PRDM15: variants seen among roughly 807,000 people sequenced by gnomAD.
PRDM15 encodes PR/SET domain 15, also known as PR domain zinc finger protein 15.
PRDM15 carries 64 observed loss-of-function variants against 128.6 expected under a neutral mutation model. That is an observed-to-expected ratio of 0.50 (90% confidence interval 0.41 to 0.61). The LOEUF is 0.61. Ranked by LOEUF, PRDM15 falls within the 20% of genes least tolerant of loss-of-function variation. The pLI is 0.00. For synonymous variants in PRDM15, 615 were observed against 621.8 expected, an observed-to-expected ratio of 0.99 and a Z score of 0.16; for missense variants, 1,242 against 1,569.1, an observed-to-expected ratio of 0.79 and a Z score of 3.52.
chr21:41,878,880 G>A (rs2064527840), intron 1 of PRDM15: 2 of 958,550 alleles, frequency 2.1e-6, no homozygotes, highest in South Asian at 4.7e-5. Flanking sequence ...GCCCACGGGC[G>A]AGCGCGGCCC....
In PRDM15 at chr21:41,828,080, G is replaced by A. The variant is rs1168706647; in HGVS notation, c.1534+86C>T. 1 of 1,431,626 alleles carries A rather than the reference G, an allele frequency of 7.0e-7. No homozygotes were observed. The highest frequency in any genetic ancestry group is 2.3e-5 in the East Asian group (1 of 43,768). The allele number at this position is 1,431,626 out of a possible 1,614,324, so 88.7% of individuals were successfully genotyped here. A position where few individuals can be genotyped will look rare whatever the true frequency, so the allele number is the denominator to read the frequency against. On this transcript the variant is annotated intron_variant, in intron 12 of 23. Transcript: ENST00000398548. The surrounding 1 kb of genome is among the most constrained non-coding windows in gnomAD (Gnocchi z 5.7). ...AGGCGGCACCGAACTGCTCCCCAAA[G>A]GCCCTGCTGACTGCTCCATGCCGCC...
At chr21:41,865,521 C>T (rs1405104901) in intron 1 of PRDM15, among the ~76,000 whole-genome samples, 1 of 152,170 alleles carries the variant, frequency 6.6e-6, no homozygotes, top group Non-Finnish European at 1.5e-5. Flanking sequence ...ACACCCCAGG[C>T]TGTGGACGCG....
Position 41,801,018 on chromosome 21 carries a change from G to T in PRDM15, c.*222C>A, listed in dbSNP as rs1161962380. The T allele has an allele frequency of 3.7e-6, 2 of 540,786 alleles. No homozygotes were observed. Among genetic ancestry groups the T allele is most frequent in the African/African-American group, 3.8e-5 (2 of 52,344 alleles). The allele number at this position is 540,786 out of a possible 1,614,324, so 33.5% of individuals were successfully genotyped here. A position where few individuals can be genotyped will look rare whatever the true frequency, so the allele number is the denominator to read the frequency against. On this transcript the variant is annotated 3_prime_UTR_variant, in exon 24 of 24. Coordinates refer to ENST00000398548, the MANE Select transcript of PRDM15 (RefSeq NM_001040424.3). ...CTGCCTTGGTAAGGCATGGTGTGGA[G>T]CCCCATCCAGTTTAAAACTCTGGCC... is the stretch of plus-strand genomic sequence containing the variant.
At chr21:41,830,055 C>A (rs1027321475) in intron 11 of PRDM15, among the ~76,000 whole-genome samples, 1,848 of 150,828 alleles carry the variant, frequency 0.012, 46 homozygotes, top group African/African-American at 0.042. Flanking sequence ...CAACGTACAC[C>A]CACACATTCA....
Position 41,821,793 on chromosome 21 carries a change from A to C in PRDM15, c.1896+110T>G, listed in dbSNP as rs541170584. ...CACTGGCCGGAGCCTTTGGGGAGGG[A>C]GGGCTGCTTCCGAGATGCATGAAGG... On this transcript the variant is annotated intron_variant, in intron 15 of 23. Coordinates refer to ENST00000398548, the MANE Select transcript of PRDM15 (RefSeq NM_001040424.3). The surrounding 1 kb of genome is among the most constrained non-coding windows in gnomAD (Gnocchi z 5.4). 2.3e-5 allele frequency: 31 copies of C among 1,350,612 alleles called. No homozygotes were observed. In the East Asian group the frequency reaches 6.2e-4, roughly 27 times the overall value. The allele number at this position is 1,350,612 out of a possible 1,614,324, so 83.7% of individuals were successfully genotyped here.
Position 41,819,692 on chromosome 21 carries a change from C to A in PRDM15, c.2150G>T (p.Ser717Ile). The change falls in exon 18 of 24, where the codon AGC (serine) becomes ATC (isoleucine). Residue 717 changes from serine to isoleucine, a missense_variant. Physicochemically the swap from Ser to Ile is moderately radical, Grantham distance 142 (BLOSUM62 -2). This residue lies in a region of PRDM15 where 602 missense variants were observed against 788.3 expected (regional missense o/e 0.76). Transcript: ENST00000398548. ...RHKLIHTGVK[S>I]HACEQCGKSF... ...CTTCCCACACTGCTCGCAGGCGTGG[C>A]TCTTCACACCTGAGAACACAGGCAT... 6.2e-7 allele frequency: 1 copy of A among 1,601,174 alleles called. No individual in the cohort carries two copies. Among genetic ancestry groups the A allele is most frequent in the African/African-American group, 1.3e-5 (1 of 74,874 alleles).
intron 22 of PRDM15, among the ~76,000 whole-genome samples, chr21:41,804,156 G>A (rs1408505526): frequency 6.6e-6 from 1 of 152,088 alleles, no homozygotes; most frequent in Non-Finnish European, 1.5e-5. Context: ...TAGAGACAGG[G>A]TTTTGCCACG....
chr21:41,822,185 G>T, intron 14 of PRDM15, 148 bp from the exon 15 acceptor site: 1 of 1,107,592 alleles, frequency 9.0e-7, no homozygotes, highest in Non-Finnish European at 1.3e-6. Flanking sequence ...CTACACTTGT[G>T]CCCTAGCCCA....
chr21:41,861,623 G>A, intron 1 of PRDM15: 2 of 1,614,030 alleles, frequency 1.2e-6, no homozygotes, highest in Non-Finnish European at 1.7e-6. Flanking sequence ...TTAGGAAAGT[G>A]TGCATGCTGG....
intron 5 of PRDM15, 144 bp from the exon 6 acceptor site, chr21:41,847,335 CAT>C: frequency 1.7e-6 from 1 of 591,402 alleles, no homozygotes. Flanking sequence ...GGTCACTCCA[CAT>C]GACAGACACC....
intron 19 of PRDM15, chr21:41,814,198 T>C (rs1366056694): frequency 6.7e-4 from 52 of 77,626 alleles, no homozygotes; most frequent in African/African-American, 2.3e-3. Context: ...CGCAGGGTGC[T>C]CTAGTGTTTT....
At chr21:41,857,123 G>A in intron 4 of PRDM15, 53 bp downstream of exon 4, 10 of 1,552,706 alleles carry the variant, frequency 6.4e-6, no homozygotes, top group Non-Finnish European at 8.8e-6. Flanking sequence ...TCCCACATGG[G>A]AACGCCAGAA....
Position 41,815,814 on chromosome 21 carries a change from C to T in PRDM15, c.2283G>A (p.Leu761=). ...CCTTGTGCAGCTTCATGTGGTGGCG[C>T]AGCGCGTGCTTGGTCTTCATGCCTT... ...CGKGMKTKHA[L]RHHMKLHKGI... is the part of the protein sequence containing the mutation. The change falls in exon 19 of 24, where the codon CTG becomes CTA. Residue 761 remains leucine, a synonymous_variant. Coordinates refer to ENST00000398548, the MANE Select transcript of PRDM15 (RefSeq NM_001040424.3). 6.2e-7 allele frequency: 1 copy of T among 1,613,940 alleles called. No individual in the cohort carries two copies. Among genetic ancestry groups the T allele is most frequent in the Non-Finnish European group, 8.5e-7 (1 of 1,179,952 alleles).
chr21:41,876,021 G>A (rs970359451), intron 1 of PRDM15, among the ~76,000 whole-genome samples: 1 of 152,102 alleles, frequency 6.6e-6, no homozygotes, highest in Non-Finnish European at 1.5e-5. Context: ...TTAACTAACG[G>A]AATACTGTAG....
intron 7 of PRDM15, 149 bp downstream of exon 7, chr21:41,839,473 GA>G (rs1202729131): frequency 3.7e-5 from 24 of 648,706 alleles, no homozygotes; most frequent in Admixed American, 2.8e-4. Context: ...TTGATTGAGA[GA>G]AAAACAGACG....
intron 14 of PRDM15, chr21:41,823,084 C>T: frequency 1.8e-6 from 1 of 543,386 alleles, no homozygotes; most frequent in Non-Finnish European, 3.4e-6. Flanking sequence ...GAGATCCCTA[C>T]CCTTCTACCA....
Position 41,821,049 on chromosome 21 carries a change from C to T in PRDM15, c.2060+18G>A, listed in dbSNP as rs781740743. The T allele has an allele frequency of 4.2e-5, 68 of 1,613,926 alleles. No individual in the cohort carries two copies. The highest frequency in any genetic ancestry group is 5.5e-5 in the South Asian group (5 of 91,076). ...CCTCTCTCCTGACACAACCCGGGAGCCCCCGACCAGGCCTCACTTCTGCAC... is the reference window on the plus strand; with the variant it reads ...CCTCTCTCCTGACACAACCCGGGAGTCCCCGACCAGGCCTCACTTCTGCAC... On this transcript the variant is annotated intron_variant, in intron 16 of 23. Transcript: ENST00000398548. The surrounding 1 kb of genome is among the most constrained non-coding windows in gnomAD (Gnocchi z 5.4).
At chr21:41,833,846 C>T (rs1355229306) in intron 11 of PRDM15, among the ~76,000 whole-genome samples, 2 of 152,220 alleles carry the variant, frequency 1.3e-5, no homozygotes, top group Admixed American at 6.5e-5. Context: ...AGGGCAATGC[C>T]TCTTCCTCAA....
intron 21 of PRDM15, among the ~76,000 whole-genome samples, chr21:41,809,783 C>T (rs926008621): frequency 1.3e-5 from 2 of 152,158 alleles, no homozygotes; most frequent in African/African-American, 4.8e-5. Context: ...TGTACAACTT[C>T]CCCCTCCCCA....
Sources: gnomAD v4.1 joint callset for allele counts (sites outside exome capture counted in the v4.1 genomes callset) on GRCh38, gnomAD v4.1.1 for gene constraint, gnomAD v4.1.1 regional missense constraint, Gnocchi (gnomAD v3.1) non-coding constraint, MANE v1.5 for transcripts, NCBI Gene and HGNC (gene_info 2026-07-23, HGNC 2026-07-21) for gene names.